Variants in RANBP2 observed in about 807,000 individuals in gnomAD.
RANBP2 encodes RAN binding protein 2.
A neutral mutation model predicts 303.6 loss-of-function variants in RANBP2; 57 were observed. The ratio of observed to expected loss-of-function variants is 0.19; its 90% CI spans 0.15 to 0.23. The LOEUF is 0.23. RANBP2 is among the 10% of genes least tolerant of loss of function. The pLI is 1.00. For synonymous variants in RANBP2, 1,167 were observed against 1,301.5 expected, an observed-to-expected ratio of 0.90 and a Z score of 2.23; for missense variants, 3,138 against 3,780.8, an observed-to-expected ratio of 0.83 and a Z score of 4.46.
At chr2:109,170,251 TCTCTTCTC>T in the RANBP2 span, among the ~76,000 whole-genome samples, 1 of 15,200 alleles carries the variant, frequency 6.6e-5, no homozygotes, top group Non-Finnish European at 1.7e-4. Flanking sequence ...TCTTTTCTCT[TCTCTTCTC>T]TTCTCTTCTC....
chr2:108,755,053 G>A lies in RANBP2; in HGVS notation c.2351G>A (p.Arg784Lys), dbSNP rs2912838. The A allele has an allele frequency of 1.4e-3, 2,304 of 1,610,890 alleles. 46 individuals carry two copies. In the African/African-American group the frequency reaches 0.017, roughly 12 times the overall value. ...EIKHSTPSPT[R>K]YSLSPSKSYK... ...AAACATTCTACACCGTCTCCTACCAGATATTCACTATCACCAAGTAAAAGT... is the reference window on the plus strand; with the variant it reads ...AAACATTCTACACCGTCTCCTACCAAATATTCACTATCACCAAGTAAAAGT... Residue 784 changes from arginine to lysine, a missense_variant, in exon 16 of 29, where the codon AGA becomes AAA. Physicochemically the swap from Arg to Lys is conservative, Grantham distance 26. Around this residue, in one of 20 missense-constraint regions of RANBP2, gnomAD observed 194 missense variants for 197.4 expected, o/e 0.98. Transcript: ENST00000283195.
the RANBP2 span, among the ~76,000 whole-genome samples, chr2:108,839,550 T>C: frequency 6.6e-6 from 1 of 152,164 alleles, no homozygotes; most frequent in South Asian, 2.1e-4. Flanking sequence ...TTTAGAACTT[T>C]GATTTATCAG....
At chr2:108,876,965 G>GGA in the RANBP2 span, among the ~76,000 whole-genome samples, 1 of 152,108 alleles carries the variant, frequency 6.6e-6, no homozygotes, top group East Asian at 1.9e-4. Context: ...TTGGGACTTA[G>GGA]GACAGGATAC....
the RANBP2 span, chr2:109,124,265 C>T: frequency 6.6e-6 from 1 of 152,128 alleles, no homozygotes; most frequent in African/African-American, 2.4e-5. Context: ...ACCTCCACCT[C>T]CTGGGTTCAA....
the RANBP2 span, among the ~76,000 whole-genome samples, chr2:109,485,239 G>A: frequency 9.8e-6 from 1 of 102,152 alleles, no homozygotes; most frequent in Non-Finnish European, 2.4e-5. Context: ...TGAAAGAAGT[G>A]GTGGGACAGC....
chr2:109,497,531 A>C, the RANBP2 span, among the ~76,000 whole-genome samples: 1 of 152,236 alleles, frequency 6.6e-6, no homozygotes, highest in Non-Finnish European at 1.5e-5. Context: ...AATTATACTC[A>C]GCAGGGCAGA....
chr2:108,749,470 G>C (rs1438161834), intron 9 of RANBP2, among the ~76,000 whole-genome samples: 1 of 152,126 alleles, frequency 6.6e-6, no homozygotes, highest in East Asian at 1.9e-4. Flanking sequence ...CTAATTTTTT[G>C]TATTTTTAGT....
chr2:108,948,839 C>T, the RANBP2 span, among the ~76,000 whole-genome samples: 1 of 152,070 alleles, frequency 6.6e-6, no homozygotes, highest in Non-Finnish European at 1.5e-5. Flanking sequence ...TAGAGTTGGC[C>T]AGGCATGGTG....
the RANBP2 span, chr2:109,313,596 G>A: frequency 1.1e-3 from 174 of 155,090 alleles, no homozygotes; most frequent in Non-Finnish European, 1.8e-3. Context: ...AGGCCTCCTA[G>A]CCTTGAGTAG....
the RANBP2 span, among the ~76,000 whole-genome samples, chr2:109,705,828 C>G: frequency 6.6e-6 from 1 of 152,164 alleles, no homozygotes; most frequent in African/African-American, 2.4e-5. Context: ...CTCTGCCAAC[C>G]CAGGTTTTAG....
chr2:109,157,491 C>A, the RANBP2 span, among the ~76,000 whole-genome samples: 1 of 152,180 alleles, frequency 6.6e-6, no homozygotes, highest in Non-Finnish European at 1.5e-5. Flanking sequence ...TCTCTGGACA[C>A]CCTCTGGATC....
the RANBP2 span, among the ~76,000 whole-genome samples, chr2:109,673,627 G>T: frequency 3.2e-4 from 48 of 152,312 alleles, no homozygotes; most frequent in African/African-American, 1.1e-3. Context: ...ACTTTGGGAG[G>T]CCAAGGCAGG....
the RANBP2 span, among the ~76,000 whole-genome samples, chr2:109,619,580 T>C: frequency 5.5e-3 from 831 of 152,288 alleles, 4 homozygotes; most frequent in Non-Finnish European, 9.6e-3. Flanking sequence ...ATCCGGGAGA[T>C]CCCACTGTGA....
chr2:108,846,165 G>A, the RANBP2 span, among the ~76,000 whole-genome samples: 2 of 152,168 alleles, frequency 1.3e-5, no homozygotes, highest in African/African-American at 4.8e-5. Context: ...GGAGCAATCA[G>A]CAACTGAGAG....
the RANBP2 span, among the ~76,000 whole-genome samples, chr2:109,537,093 A>AG: frequency 1.0e-3 from 159 of 152,320 alleles, no homozygotes; most frequent in Non-Finnish European, 1.4e-3. Flanking sequence ...GCTGAATGTA[A>AG]GGGGATAACT....
At chr2:108,723,871 C>T (rs1392384096) in intron 1 of RANBP2, among the ~76,000 whole-genome samples, 1 of 150,910 alleles carries the variant, frequency 6.6e-6, no homozygotes, top group Admixed American at 6.6e-5. Flanking sequence ...GTCACATAAT[C>T]CCATCAATTG....
At chr2:109,498,821 G>T in the RANBP2 span, among the ~76,000 whole-genome samples, 1 of 152,190 alleles carries the variant, frequency 6.6e-6, no homozygotes, top group East Asian at 1.9e-4. Flanking sequence ...GGCAGTGGAA[G>T]ATGGTAAGAG....
the RANBP2 span, among the ~76,000 whole-genome samples, chr2:109,461,281 T>C: frequency 3.9e-5 from 6 of 152,214 alleles, no homozygotes; most frequent in Admixed American, 2.6e-4. Context: ...GGTCAAGCAT[T>C]TAGTCTCTAC....
At chr2:109,237,606 G>C in the RANBP2 span, among the ~76,000 whole-genome samples, 1 of 152,118 alleles carries the variant, frequency 6.6e-6, no homozygotes, top group Non-Finnish European at 1.5e-5. Flanking sequence ...TTGTGTGTGT[G>C]AATTTTTTTT....
Sources: allele counts gnomAD v4.1 joint callset (sites outside exome capture counted in the v4.1 genomes callset), GRCh38; gene constraint gnomAD v4.1.1; regional missense constraint gnomAD v4.1.1; transcripts MANE v1.5; gene names NCBI Gene and HGNC (gene_info 2026-07-23, HGNC 2026-07-21).